Variants in PLCB4 observed in about 807,000 individuals in gnomAD.
The protein encoded by PLCB4 is phospholipase C beta 4.
A neutral mutation model predicts 178.8 loss-of-function variants in PLCB4; 77 were observed. That is an observed-to-expected ratio of 0.43 (90% CI 0.36 to 0.52). The LOEUF (loss-of-function observed/expected upper bound fraction) is 0.52. PLCB4 is among the 20% of genes least tolerant of loss of function. The pLI is 0.00. For synonymous variants in PLCB4, 496 were observed against 490.8 expected, an observed-to-expected ratio of 1.01 and a Z score of -0.14; for missense variants, 1,024 against 1,453.4, an observed-to-expected ratio of 0.70 and a Z score of 4.80.
Position 9,106,725 on chromosome 20 carries a change from A to G in PLCB4, c.-79+10383A>G, listed in dbSNP as rs1328312843. Among the ~76,000 whole-genome samples the G allele has an allele frequency of 2.6e-5, 4 of 152,166 alleles. No individual in the cohort carries two copies. In the East Asian group the frequency reaches 7.7e-4, roughly 29 times the overall value. On this transcript the variant is annotated intron_variant, in intron 2 of 39. Coordinates refer to ENST00000378473, the MANE Select transcript of PLCB4 (RefSeq NM_001377142.1). ...AGAATAGCACTCCTTTAATGTGCCA[A>G]TGGGAACATAAACTGGGTCAGACTT...
At chr20:9,174,313 T>A (rs1334497641) in intron 2 of PLCB4, among the ~76,000 whole-genome samples, 5 of 151,968 alleles carry the variant, frequency 3.3e-5, no homozygotes, top group South Asian at 4.1e-4. Flanking sequence ...ATTTTTTTTT[T>A]ATTTTTTATT....
At chr20:9,379,513 A>AT (rs953337788) in intron 12 of PLCB4, among the ~76,000 whole-genome samples, 1 of 152,168 alleles carries the variant, frequency 6.6e-6, no homozygotes, top group Admixed American at 6.5e-5. Flanking sequence ...AGAAAATGAA[A>AT]TTTGTTGAGT....
chr20:9,288,402 G>T (rs1288123799), intron 3 of PLCB4, among the ~76,000 whole-genome samples: 1 of 136,576 alleles, frequency 7.3e-6, no homozygotes, highest in Non-Finnish European at 1.5e-5. Context: ...TTGTCCTGTA[G>T]TTGCTTTTTT....
intron 7 of PLCB4, among the ~76,000 whole-genome samples, chr20:9,352,526 A>G (rs1451280043): frequency 6.6e-6 from 1 of 152,224 alleles, no homozygotes; most frequent in East Asian, 1.9e-4. Flanking sequence ...TGAACAGCAC[A>G]GGTGTCCTCT....
intron 4 of PLCB4, among the ~76,000 whole-genome samples, chr20:9,315,346 G>A (rs999243466): frequency 6.6e-6 from 1 of 152,148 alleles, no homozygotes; most frequent in Non-Finnish European, 1.5e-5. Context: ...TTAATCCATG[G>A]TGCGAACCAC....
chr20:9,192,204 T>C (rs973083873), intron 2 of PLCB4, among the ~76,000 whole-genome samples: 6 of 152,114 alleles, frequency 3.9e-5, no homozygotes, highest in African/African-American at 1.4e-4. Flanking sequence ...ATTGATTCCA[T>C]GGGGGTTTGG....
At chr20:9,421,673 T>G (rs1350427257) in intron 27 of PLCB4, among the ~76,000 whole-genome samples, 1 of 152,174 alleles carries the variant, frequency 6.6e-6, no homozygotes, top group Non-Finnish European at 1.5e-5. Flanking sequence ...GAAGAGCCCA[T>G]CTCCTGCACA....
At chr20:9,308,791 T>C (rs2094799314) in intron 4 of PLCB4, among the ~76,000 whole-genome samples, 1 of 152,210 alleles carries the variant, frequency 6.6e-6, no homozygotes, top group Non-Finnish European at 1.5e-5. Context: ...AGTCACTTTT[T>C]AAGTAAACAA....
At chr20:9,293,521 A>G (rs527258409) in intron 3 of PLCB4, among the ~76,000 whole-genome samples, 34 of 151,978 alleles carry the variant, frequency 2.2e-4, no homozygotes, top group Non-Finnish European at 4.1e-4. Context: ...GGAAAGAAAG[A>G]AGGAAGGATT....
intron 2 of PLCB4, among the ~76,000 whole-genome samples, chr20:9,117,335 G>A (rs951960150): frequency 3.3e-5 from 5 of 152,104 alleles, no homozygotes; most frequent in African/African-American, 1.2e-4. Flanking sequence ...TTACAGCTCA[G>A]GATATGTGTT....
intron 4 of PLCB4, among the ~76,000 whole-genome samples, chr20:9,316,511 T>A (rs1353361038): frequency 6.6e-6 from 1 of 152,108 alleles, no homozygotes; most frequent in Non-Finnish European, 1.5e-5. Context: ...TTAAGGAAGG[T>A]GAGCTAGAGG....
At chr20:9,434,216 A>G (rs2041614873) in intron 28 of PLCB4, among the ~76,000 whole-genome samples, 1 of 152,252 alleles carries the variant, frequency 6.6e-6, no homozygotes, top group Non-Finnish European at 1.5e-5. Flanking sequence ...GCAGAAAACT[A>G]TGAACCCATT....
intron 32 of PLCB4, among the ~76,000 whole-genome samples, chr20:9,444,891 A>AT (rs1469468876): frequency 6.6e-6 from 1 of 152,232 alleles, no homozygotes; most frequent in Non-Finnish European, 1.5e-5. Flanking sequence ...ACACTGGTGC[A>AT]TGGAGGGAGA....
chr20:9,322,567 C>G (rs148315034), intron 4 of PLCB4, among the ~76,000 whole-genome samples: 1 of 152,186 alleles, frequency 6.6e-6, no homozygotes, highest in Admixed American at 6.5e-5. Flanking sequence ...TGCAGAGTTA[C>G]GCTGAGGACA....
intron 2 of PLCB4, among the ~76,000 whole-genome samples, chr20:9,105,573 T>C (rs1350229519): frequency 3.3e-5 from 5 of 152,092 alleles, no homozygotes; most frequent in Non-Finnish European, 7.4e-5. Flanking sequence ...TAAAGAATAT[T>C]TTAAGTCAAT....
chr20:9,217,793 T>C (rs777238768), intron 3 of PLCB4, among the ~76,000 whole-genome samples: 2 of 152,220 alleles, frequency 1.3e-5, no homozygotes, highest in Non-Finnish European at 2.9e-5. Flanking sequence ...TTCTGTGACT[T>C]GTTTTCAGTC....
chr20:9,423,407 C>T (rs2040784043), intron 27 of PLCB4, among the ~76,000 whole-genome samples: 1 of 152,188 alleles, frequency 6.6e-6, no homozygotes, highest in Non-Finnish European at 1.5e-5. Flanking sequence ...CCCACTCTGT[C>T]ACTGATATGT....
At chr20:9,252,677 A>G (rs2094193622) in intron 3 of PLCB4, among the ~76,000 whole-genome samples, 1 of 152,194 alleles carries the variant, frequency 6.6e-6, no homozygotes, top group Non-Finnish European at 1.5e-5. Context: ...TGTTTCAGGA[A>G]GAAATTAGTA....
intron 2 of PLCB4, among the ~76,000 whole-genome samples, chr20:9,142,301 G>A (rs544123666): frequency 6.6e-6 from 1 of 152,192 alleles, no homozygotes; most frequent in Middle Eastern, 3.4e-3. Flanking sequence ...AAAGAAGGAA[G>A]AAATAAAGGG....
Sources: allele counts gnomAD v4.1 joint callset (sites outside exome capture counted in the v4.1 genomes callset), GRCh38; gene constraint gnomAD v4.1.1; transcripts MANE v1.5; gene names NCBI Gene and HGNC (gene_info 2026-07-23, HGNC 2026-07-21).